The following FKBP1C variants were observed in gnomAD, a reference collection of about 807,000 sequenced individuals.
The protein encoded by FKBP1C is FKBP prolyl isomerase family member 1C.
A neutral mutation model predicts 7.1 loss-of-function variants in FKBP1C; 7 were observed. That is an observed-to-expected ratio of 0.99 (90% CI 0.56 to 1.86). The LOEUF (loss-of-function observed/expected upper bound fraction) is 1.86. Among genes scored for constraint, FKBP1C ranks in the 40% most tolerant of loss-of-function variants. The pLI, the probability that FKBP1C is intolerant of heterozygous loss-of-function variation, is 0.00. For synonymous variants in FKBP1C, 56 were observed against 51.2 expected (o/e 1.09, Z -0.40); for missense variants, 159 against 139.9 (o/e 1.14, Z -0.69).
exon 1 of FKBP1C, chr6:63,211,550 C>A (rs536267612): frequency 1.0e-5 from 13 of 1,243,708 alleles, no homozygotes; most frequent in African/African-American, 3.0e-5. Context: ...CGGCGTCGGC[C>A]GCCGCCATGG....
chr6:63,212,123 A>G (rs1382632645), exon 1 of FKBP1C: 19 of 606,484 alleles, frequency 3.1e-5, no homozygotes, highest in Middle Eastern at 4.5e-4. Flanking sequence ...ATAAACGTCA[A>G]GTTATTCATT....
chr6:63,211,598 C>A, exon 1 of FKBP1C: 2 of 1,559,432 alleles, frequency 1.3e-6, no homozygotes, highest in Non-Finnish European at 1.8e-6. Flanking sequence ...GAGACTGGCG[C>A]ACCTTCCCGA....
exon 1 of FKBP1C, chr6:63,212,153 T>A (rs1202184339): frequency 3.4e-6 from 2 of 590,074 alleles, no homozygotes; most frequent in East Asian, 5.7e-5. Context: ...CATTTTGGGG[T>A]GAAGATTCAG....
chr6:63,211,767 C>T, the FKBP1C span: 43 of 1,613,820 alleles, frequency 2.7e-5, no homozygotes, highest in East Asian at 9.4e-4. Flanking sequence ...GAGTGTGGGT[C>T]AGAGAGCCAA....
At chr6:63,211,757 G>T in exon 1 of FKBP1C, 2 of 1,614,004 alleles carry the variant, frequency 1.2e-6, no homozygotes, top group Non-Finnish European at 1.7e-6. Flanking sequence ...TTGTCCAGAT[G>T]AGTGTGGGTC....
the FKBP1C span, chr6:63,211,759 GT>G: frequency 6.2e-7 from 1 of 1,613,888 alleles, no homozygotes; most frequent in Non-Finnish European, 8.5e-7. Context: ...GTCCAGATGA[GT>G]GTGGGTCAGA....
chr6:63,211,905 G>A (rs1455589114), exon 1 of FKBP1C: 2 of 1,611,708 alleles, frequency 1.2e-6, no homozygotes, highest in Admixed American at 3.3e-5. Context: ...TCCTCCCTTA[G>A]CTCCCTGTTC....
chr6:63,212,111 C>T, exon 1 of FKBP1C: 1 of 614,052 alleles, frequency 1.6e-6, no homozygotes, highest in South Asian at 2.1e-5. Flanking sequence ...AAACTATATG[C>T]CATAAACGTC....
exon 1 of FKBP1C, chr6:63,211,988 TTCCACTCCA>T: frequency 7.6e-7 from 1 of 1,316,734 alleles, no homozygotes; most frequent in South Asian, 1.2e-5. Flanking sequence ...TTTCCTGATG[TTCCACTCCA>T]CTTTGTATAG....
chr6:63,211,801 C>A (rs759314002), exon 1 of FKBP1C: 1 of 1,613,786 alleles, frequency 6.2e-7, no homozygotes, highest in Non-Finnish European at 8.5e-7. Context: ...CCAGATTATG[C>A]CTATGGTGCC....
At chr6:63,212,738 C>A (rs1214770911) in exon 1 of FKBP1C, 3 of 166,784 alleles carry the variant, frequency 1.8e-5, no homozygotes, top group African/African-American at 4.8e-5. Context: ...TGTTTGTAGA[C>A]TTAACACCCA....
exon 1 of FKBP1C, chr6:63,211,953 T>A (rs45458793): frequency 5.2e-6 from 8 of 1,532,368 alleles, no homozygotes; most frequent in Non-Finnish European, 7.2e-6. Flanking sequence ...CCTCCAGACG[T>A]GTGCACATAA....
chr6:63,211,494 C>T (rs1457528195), exon 1 of FKBP1C: 1 of 663,472 alleles, frequency 1.5e-6, no homozygotes, highest in African/African-American at 1.8e-5. Flanking sequence ...GGAACCGCCG[C>T]CAGGTCGCTG....
At chr6:63,211,611 C>T (rs1328862876) in exon 1 of FKBP1C, 12 of 1,592,686 alleles carry the variant, frequency 7.5e-6, no homozygotes, top group Middle Eastern at 1.7e-4. Flanking sequence ...CTTCCCGAAG[C>T]GCAGCCAGAC....
At chr6:63,211,483 T>C in exon 1 of FKBP1C, 1 of 642,248 alleles carries the variant, frequency 1.6e-6, no homozygotes, top group Non-Finnish European at 2.8e-6. Flanking sequence ...GGCAGAGCCG[T>C]GGAACCGCCG....
chr6:63,211,569 G>A (rs1294799557), exon 1 of FKBP1C: 5 of 1,434,188 alleles, frequency 3.5e-6, no homozygotes, highest in Non-Finnish European at 4.9e-6. Context: ...GGGAGTGCAC[G>A]TGGAAACCAT....
At chr6:63,212,150 G>T in exon 1 of FKBP1C, 1 of 591,506 alleles carries the variant, frequency 1.7e-6, no homozygotes, top group Admixed American at 3.1e-5. Context: ...TTTCATTTTG[G>T]GGTGAAGATT....
chr6:63,211,782 A>G, exon 1 of FKBP1C: 1 of 1,613,932 alleles, frequency 6.2e-7, no homozygotes, highest in African/African-American at 1.3e-5. Context: ...AGCCAAACTG[A>G]CTATATCTCC....
In FKBP1C at chr6:63,212,690, T is replaced by C. The variant is rs534742723; in HGVS notation, c.*807T>C. On this transcript the variant is annotated 3_prime_UTR_variant, in exon 1 of 1. Coordinates refer to ENST00000370659, the Ensembl canonical transcript of FKBP1C. Reference sequence around the variant, plus strand: ...TTTCCAAGCTCCACCACTTCCTAAATCTTAAGAACTTTAATTGACAGTTTC... The same window carrying C: ...TTTCCAAGCTCCACCACTTCCTAAACCTTAAGAACTTTAATTGACAGTTTC... The C allele has an allele frequency of 1.8e-5, 3 of 166,788 alleles. No homozygotes were observed. The South Asian group carries it at 6.3e-4, about 35-fold the overall frequency. The allele number at this position is 166,788 out of a possible 1,614,324, so 10.3% of individuals were successfully genotyped here. A position where few individuals can be genotyped will look rare whatever the true frequency, so the allele number is the denominator to read the frequency against.
Sources: allele counts gnomAD v4.1 joint callset, GRCh38; gene constraint gnomAD v4.1.1; transcripts MANE v1.5; gene names NCBI Gene and HGNC (gene_info 2026-07-23, HGNC 2026-07-21).